Variants in TMEM132D observed in about 807,000 individuals in gnomAD.
TMEM132D encodes mature OL transmembrane protein.
A neutral mutation model predicts 62.3 loss-of-function variants in TMEM132D; 21 were observed. That is an observed-to-expected ratio of 0.34 (90% confidence interval 0.24 to 0.49). The LOEUF (loss-of-function observed/expected upper bound fraction) is 0.49. Ranked by LOEUF, TMEM132D falls within the 20% of genes least tolerant of loss-of-function variation. The probability of loss-of-function intolerance (pLI) is 0.99; values close to 1 mark genes in which losing one functional copy is unlikely to be tolerated. For missense variants in TMEM132D, 1,346 were observed against 1,402.8 expected, an observed-to-expected ratio of 0.96 and a Z score of 0.65; for synonymous variants, 621 against 575.6, an observed-to-expected ratio of 1.08 and a Z score of -1.13.
intron 2 of TMEM132D, among the ~76,000 whole-genome samples, chr12:129,694,112 G>GT (rs1235339277): frequency 6.6e-6 from 1 of 152,160 alleles, no homozygotes; most frequent in Non-Finnish European, 1.5e-5. Context: ...CCTTTGCTGT[G>GT]TGTCTCTTGT....
chr12:129,721,533 G>A (rs1012466840), intron 1 of TMEM132D, among the ~76,000 whole-genome samples: 15 of 152,246 alleles, frequency 9.9e-5, no homozygotes, highest in African/African-American at 3.6e-4. Context: ...AGGGGCCAGT[G>A]GGCAGAGGAT....
At chr12:129,459,128 C>G (rs1001250367) in intron 3 of TMEM132D, among the ~76,000 whole-genome samples, 1 of 152,102 alleles carries the variant, frequency 6.6e-6, no homozygotes, top group African/African-American at 2.4e-5. Flanking sequence ...TTCCCTTCAC[C>G]TTGGCTCATG....
chr12:129,887,706 G>C (rs560961368), intron 1 of TMEM132D, among the ~76,000 whole-genome samples: 34 of 152,088 alleles, frequency 2.2e-4, no homozygotes, highest in Non-Finnish European at 4.9e-4. Flanking sequence ...ATGTGACATT[G>C]GGTCCAAATG....
intron 5 of TMEM132D, among the ~76,000 whole-genome samples, chr12:129,121,271 T>C (rs1296716748): frequency 6.6e-6 from 1 of 152,028 alleles, no homozygotes; most frequent in Non-Finnish European, 1.5e-5. Context: ...AATTTTTGTA[T>C]TTTTAGTAGA....
At chr12:129,328,905 T>C (rs1869009521) in intron 4 of TMEM132D, among the ~76,000 whole-genome samples, 1 of 151,886 alleles carries the variant, frequency 6.6e-6, no homozygotes, top group Non-Finnish European at 1.5e-5. Flanking sequence ...CTCATCCATC[T>C]GTGAAATGGG....
intron 2 of TMEM132D, among the ~76,000 whole-genome samples, chr12:129,537,316 C>T (rs1876426283): frequency 6.6e-6 from 1 of 151,874 alleles, no homozygotes; most frequent in African/African-American, 2.4e-5. Context: ...AATCAGTTGC[C>T]AAGTCCTGAT....
At chr12:129,540,984 A>G (rs1341011036) in intron 2 of TMEM132D, among the ~76,000 whole-genome samples, 1 of 152,074 alleles carries the variant, frequency 6.6e-6, no homozygotes, top group African/African-American at 2.4e-5. Context: ...CTCTTCACCC[A>G]CTGGATATGC....
At chr12:129,278,245 G>A (rs1041662839) in intron 4 of TMEM132D, among the ~76,000 whole-genome samples, 2 of 152,134 alleles carry the variant, frequency 1.3e-5, no homozygotes, top group Non-Finnish European at 2.9e-5. Context: ...TGCTGGGCAA[G>A]GGAGACCCAG....
chr12:129,283,133 T>G (rs1288930982), intron 4 of TMEM132D, among the ~76,000 whole-genome samples: 1 of 152,214 alleles, frequency 6.6e-6, no homozygotes, highest in African/African-American at 2.4e-5. Context: ...AATTTTTCAT[T>G]TGGGCATTCA....
intron 1 of TMEM132D, among the ~76,000 whole-genome samples, chr12:129,836,662 CTTCT>C (rs1257006108): frequency 1.4e-4 from 21 of 151,962 alleles, no homozygotes; most frequent in Non-Finnish European, 5.9e-5. Context: ...CACTACCTTC[CTTCT>C]ATGTGCATAA....
At chr12:129,555,659 C>T (rs1877034773) in intron 2 of TMEM132D, among the ~76,000 whole-genome samples, 1 of 152,138 alleles carries the variant, frequency 6.6e-6, no homozygotes, top group Admixed American at 6.5e-5. Context: ...CCATCAATGT[C>T]CAGGCCTTTT....
At chr12:129,221,633 A>G (rs988148040) in intron 4 of TMEM132D, among the ~76,000 whole-genome samples, 10 of 152,164 alleles carry the variant, frequency 6.6e-5, no homozygotes, top group African/African-American at 2.4e-4. Context: ...AAGGTCTCAC[A>G]TCCCTTTCTT....
chr12:129,668,827 G>A (rs11060489), intron 2 of TMEM132D, among the ~76,000 whole-genome samples: 3,923 of 152,286 alleles, frequency 0.026, 176 homozygotes, highest in African/African-American at 0.089. Flanking sequence ...GGCTTTGACT[G>A]GAGTGGTATG....
In TMEM132D at chr12:129,553,571, A is replaced by G. The variant is rs561980680; in HGVS notation, c.969-22366T>C. The stretch of plus-strand genomic sequence containing the variant: ...AGCGTGGATACCAGCCTGATTTGTA[A>G]CACCTGCCCATTTCCATGGTGTAAA... On this transcript the variant is annotated intron_variant, in intron 2 of 8. Coordinates refer to ENST00000422113, the MANE Select transcript of TMEM132D (RefSeq NM_133448.3). Among the ~76,000 whole-genome samples the G allele has an allele frequency of 2.0e-5, 3 of 152,236 alleles. No homozygotes were observed. In the East Asian group the frequency reaches 5.8e-4, roughly 29 times the overall value.
intron 4 of TMEM132D, among the ~76,000 whole-genome samples, chr12:129,229,584 G>T (rs891473018): frequency 1.6e-4 from 24 of 152,294 alleles, no homozygotes; most frequent in African/African-American, 5.5e-4. Context: ...AGAATTTTCT[G>T]TAGGCTGGGA....
At chr12:129,538,563 T>C (rs561384238) in intron 2 of TMEM132D, among the ~76,000 whole-genome samples, 106 of 152,340 alleles carry the variant, frequency 7.0e-4, no homozygotes, top group South Asian at 5.0e-3. Context: ...ATGTTTTTTT[T>C]CTACACATAC....
At chr12:129,158,577 C>T (rs1172125395) in intron 5 of TMEM132D, among the ~76,000 whole-genome samples, 1 of 152,166 alleles carries the variant, frequency 6.6e-6, no homozygotes, top group Non-Finnish European at 1.5e-5. Context: ...TACAAAATCC[C>T]TCAGGGCATC....
chr12:129,433,673 C>T (rs1239439452), intron 3 of TMEM132D, among the ~76,000 whole-genome samples: 1 of 152,086 alleles, frequency 6.6e-6, no homozygotes, highest in Non-Finnish European at 1.5e-5. Flanking sequence ...AAATACATTC[C>T]CCAGAACTGG....
chr12:129,651,532 A>G (rs1879928139), intron 2 of TMEM132D, among the ~76,000 whole-genome samples: 1 of 152,190 alleles, frequency 6.6e-6, no homozygotes, highest in Non-Finnish European at 1.5e-5. Context: ...GTACAAATAC[A>G]TTGATATTTA....
Sources: gnomAD v4.1 joint callset for allele counts (sites outside exome capture counted in the v4.1 genomes callset) on GRCh38, gnomAD v4.1.1 for gene constraint, MANE v1.5 for transcripts, NCBI Gene and HGNC (gene_info 2026-07-23, HGNC 2026-07-21) for gene names.